The following USP13 variants were observed in gnomAD, a reference collection of about 807,000 sequenced individuals.
USP13 encodes the protein ubiquitin specific peptidase 13, also known as ubiquitin carboxyl-terminal hydrolase 13.
A neutral mutation model predicts 107.8 loss-of-function variants in USP13; 68 were observed. The observed-to-expected ratio is 0.63, with a 90% CI of 0.52 to 0.77. The LOEUF (loss-of-function observed/expected upper bound fraction) is 0.77. Ranked by LOEUF, USP13 falls within the 30% of genes least tolerant of loss-of-function variation. The probability of loss-of-function intolerance (pLI) is 0.00; values close to 1 mark genes in which losing one functional copy is unlikely to be tolerated. For synonymous variants in USP13, 377 were observed against 389.5 expected, an observed-to-expected ratio of 0.97 and a Z score of 0.38; for missense variants, 945 against 1,093.3, an observed-to-expected ratio of 0.86 and a Z score of 1.91.
chr3:179,765,664 G>T lies in USP13; in HGVS notation c.2260-31G>T, dbSNP rs1211402081. On this transcript the variant is annotated intron_variant, in intron 18 of 20. Transcript: ENST00000263966. ...AGTGAGGCCTGAGGCTGCATGCATT[G>T]TAAAAACATCTGTTTCTTTTTTGTT... 2.5e-6 allele frequency: 4 copies of T among 1,611,010 alleles called. No individual in the cohort carries two copies. In the African/African-American group the frequency reaches 5.3e-5, roughly 22 times the overall value.
intron 3 of USP13, among the ~76,000 whole-genome samples, chr3:179,698,621 A>G (rs1712399339): frequency 6.6e-6 from 1 of 151,948 alleles, no homozygotes; most frequent in Non-Finnish European, 1.5e-5. Flanking sequence ...TAAACACAAG[A>G]TTTATGCCCT....
At chr3:179,766,563 G>T (rs13319658) in intron 19 of USP13, among the ~76,000 whole-genome samples, 14,360 of 152,148 alleles carry the variant, frequency 0.094, 2,180 homozygotes, top group African/African-American at 0.32. Context: ...TCCTGAAGGG[G>T]TGTCTCAGGA....
At chr3:179,655,692 T>A (rs1720238460) in intron 1 of USP13, among the ~76,000 whole-genome samples, 1 of 152,034 alleles carries the variant, frequency 6.6e-6, no homozygotes, top group Non-Finnish European at 1.5e-5. Context: ...GTAGCTGGGA[T>A]TACAGGCGTG....
At chr3:179,758,229 A>G (rs1295481745) in intron 16 of USP13, among the ~76,000 whole-genome samples, 1 of 152,114 alleles carries the variant, frequency 6.6e-6, no homozygotes, top group Non-Finnish European at 1.5e-5. Context: ...TTCTCATGCC[A>G]CTAGACTATC....
chr3:179,694,799 C>CAAAGAAAAAAAAAA (rs1327789835), intron 3 of USP13, among the ~76,000 whole-genome samples: 10 of 82,128 alleles, frequency 1.2e-4, no homozygotes, highest in Non-Finnish European at 2.2e-4. Context: ...AACTCCATCT[C>CAAAGAAAAAAAAAA]AAAAAAAAAA....
At chr3:179,656,637 A>C (rs1219872172) in intron 1 of USP13, among the ~76,000 whole-genome samples, 1 of 152,132 alleles carries the variant, frequency 6.6e-6, no homozygotes, top group African/African-American at 2.4e-5. Flanking sequence ...GGTTTGGTTC[A>C]TTGTGCAAGG....
At chr3:179,665,215 T>TGG (rs1281911811) in intron 1 of USP13, among the ~76,000 whole-genome samples, 1 of 152,074 alleles carries the variant, frequency 6.6e-6, no homozygotes, top group Non-Finnish European at 1.5e-5. Flanking sequence ...AGGGTGTAAG[T>TGG]GGGAGGGAAA....
intron 1 of USP13, among the ~76,000 whole-genome samples, chr3:179,666,142 G>C (rs1720581309): frequency 6.6e-6 from 1 of 152,204 alleles, no homozygotes; most frequent in South Asian, 2.1e-4. Context: ...TCCTCTGTGG[G>C]ATGTGAAAGA....
At chr3:179,723,490 T>C (rs1713399257) in intron 8 of USP13, among the ~76,000 whole-genome samples, 1 of 152,074 alleles carries the variant, frequency 6.6e-6, no homozygotes, top group East Asian at 1.9e-4. Context: ...CATTCCATGA[T>C]GGAGAAAGGA....
chr3:179,714,077 G>A (rs982315769), intron 6 of USP13, among the ~76,000 whole-genome samples: 2 of 152,154 alleles, frequency 1.3e-5, no homozygotes, highest in South Asian at 2.1e-4. Flanking sequence ...GCATTGTTTC[G>A]GCGAGGCAGG....
chr3:179,654,251 G>A (rs1720185559), intron 1 of USP13, among the ~76,000 whole-genome samples: 1 of 149,528 alleles, frequency 6.7e-6, no homozygotes. Flanking sequence ...GAAACCTTCC[G>A]GTGCCTCCAC....
At chr3:179,752,178 C>T in intron 13 of USP13, 107 bp from the exon 14 acceptor site, 1 of 887,224 alleles carries the variant, frequency 1.1e-6, no homozygotes, top group Non-Finnish European at 1.8e-6. Context: ...TTCAGTTCAG[C>T]CATTGGAATG....
At chr3:179,756,576 T>A (rs1714808558) in intron 15 of USP13, among the ~76,000 whole-genome samples, 1 of 152,050 alleles carries the variant, frequency 6.6e-6, no homozygotes, top group Non-Finnish European at 1.5e-5. Flanking sequence ...AGACACTGTC[T>A]CTACAAAAAA....
intron 19 of USP13, among the ~76,000 whole-genome samples, chr3:179,779,719 TAAAAAAA>T (rs113797839): frequency 1.0e-3 from 106 of 103,866 alleles, no homozygotes; most frequent in Admixed American, 2.3e-3. Flanking sequence ...AAGGGTTTGT[TAAAAAAA>T]AAAAAAAAAA....
At chr3:179,754,351 T>A (rs1044857721) in intron 14 of USP13, among the ~76,000 whole-genome samples, 2 of 152,234 alleles carry the variant, frequency 1.3e-5, no homozygotes, top group Non-Finnish European at 2.9e-5. Context: ...TACAGCTTTA[T>A]GCTTTTCAAA....
At chr3:179,679,242 CAA>C (rs1711565733) in intron 1 of USP13, among the ~76,000 whole-genome samples, 1 of 151,980 alleles carries the variant, frequency 6.6e-6, no homozygotes, top group Admixed American at 6.5e-5. Context: ...AAATTTTAAA[CAA>C]ATAAATTTTA....
chr3:179,729,832 C>G (rs1184744103), intron 8 of USP13, among the ~76,000 whole-genome samples: 2 of 152,172 alleles, frequency 1.3e-5, no homozygotes, highest in Middle Eastern at 3.2e-3. Flanking sequence ...GTTCTTAACT[C>G]TGGTTGCGTG....
intron 12 of USP13, among the ~76,000 whole-genome samples, chr3:179,744,602 A>T (rs1714329893): frequency 6.6e-6 from 1 of 152,198 alleles, no homozygotes; most frequent in Non-Finnish European, 1.5e-5. Flanking sequence ...TCAGCAAGGC[A>T]GTGAAGGACT....
At position 179,787,495 on chromosome 3, in the gene USP13, T is replaced by C. The variant is rs763750166; in HGVS notation, c.*3354T>C. ...GAGGTTTGGATGTTATATTTTTGCA[T>C]TGTTACAGCTTATACTCCCCAGTTG... On this transcript the variant is annotated 3_prime_UTR_variant, in exon 21 of 21. Transcript: ENST00000263966. 3.9e-5 allele frequency: 6 copies of C among 152,266 alleles called. No homozygotes were observed. Among genetic ancestry groups the C allele is most frequent in the Non-Finnish European group, 7.3e-5 (5 of 68,058 alleles). 9.4% of individuals were successfully genotyped at this position (152,266 alleles called of 1,614,324 possible). A position where few individuals can be genotyped will look rare whatever the true frequency, so the allele number is the denominator to read the frequency against.
Sources: gnomAD v4.1 joint callset for allele counts (sites outside exome capture counted in the v4.1 genomes callset) on GRCh38, gnomAD v4.1.1 for gene constraint, MANE v1.5 for transcripts, NCBI Gene and HGNC (gene_info 2026-07-23, HGNC 2026-07-21) for gene names.